The following LRWD1 variants were observed in gnomAD, a reference collection of about 807,000 sequenced individuals.
LRWD1 encodes the protein leucine rich repeats and WD repeat domain containing 1.
A neutral mutation model predicts 75.6 loss-of-function variants in LRWD1; 76 were observed. That is an observed-to-expected ratio of 1.01 (90% CI 0.84 to 1.22). The LOEUF (loss-of-function observed/expected upper bound fraction) is 1.22, where lower values mean the gene tolerates loss of function less well. Ranked by LOEUF, LRWD1 falls within the 50% of genes most tolerant of loss-of-function variation. LRWD1 has a pLI of 0.00. For synonymous variants in LRWD1, 487 were observed against 377.0 expected, an observed-to-expected ratio of 1.29 and a Z score of -3.38; for missense variants, 917 against 862.0, an observed-to-expected ratio of 1.06 and a Z score of -0.80.
chr7:102,466,760 C>T (rs1313763505), intron 3 of LRWD1, among the ~76,000 whole-genome samples: 2 of 53,050 alleles, frequency 3.8e-5, no homozygotes, highest in Admixed American at 2.6e-4. Context: ...TCTTTTTTAC[C>T]TTTTTTTTTT....
chr7:102,469,608 C>T lies in LRWD1; in HGVS notation c.1263C>T (p.Asp421=), dbSNP rs765905301. The T allele has an allele frequency of 1.7e-5, 28 of 1,613,932 alleles. No homozygotes were observed. The highest frequency in any genetic ancestry group is 2.3e-5 in the Non-Finnish European group (27 of 1,179,888). ...ASYDKRIILW[D]IGVPNQDYEF... is the part of the protein sequence containing the mutation. ...ATGACAAGCGGATCATCCTCTGGGA[C>T]ATCGGGGTGCCCAACCAGGACTACG... Residue 421 remains aspartate, a synonymous_variant, in exon 10 of 15, where the codon GAC becomes GAT. Transcript: ENST00000292616.
chr7:102,472,829 G>A, intron 14 of LRWD1, 25 bp downstream of exon 14: 1 of 1,612,284 alleles, frequency 6.2e-7, no homozygotes, highest in Non-Finnish European at 8.5e-7. Flanking sequence ...ACCCTGCCCA[G>A]GCTTGGGCTG....
chr7:102,466,273 A>T lies in LRWD1; in HGVS notation c.432+3A>T, dbSNP rs781558593. On this transcript the variant is annotated splice_donor_region_variant and intron_variant, in intron 3 of 14. Transcript: ENST00000292616. Reference sequence around the variant, plus strand: ...TGAATCGGGAGCTGACCAGCAGGGTAAGGGGATGAGAGGATTATTGTGTGC... The same window carrying T: ...TGAATCGGGAGCTGACCAGCAGGGTTAGGGGATGAGAGGATTATTGTGTGC... 6.2e-7 allele frequency: 1 copy of T among 1,609,496 alleles called. No individual in the cohort carries two copies. Among genetic ancestry groups the T allele is most frequent in the Admixed American group, 1.7e-5 (1 of 60,008 alleles).
At chr7:102,467,172 G>GTGTA (rs1554579600) in intron 3 of LRWD1, among the ~76,000 whole-genome samples, 167 bp from the exon 4 acceptor site, 1 of 23,536 alleles carries the variant, frequency 4.2e-5, no homozygotes, top group Non-Finnish European at 1.0e-4. Context: ...TGTGTGTGGG[G>GTGTA]TGTGTGTGTG....
intron 11 of LRWD1, chr7:102,470,202 A>G (rs12538735): frequency 0.56 from 173,333 of 308,344 alleles, 51,461 homozygotes; most frequent in Middle Eastern, 0.67. Flanking sequence ...CTGTGCTGGC[A>G]TAATGTCCTC....
intron 5 of LRWD1, 30 bp from the exon 6 acceptor site, chr7:102,468,032 A>G: frequency 6.3e-7 from 1 of 1,598,148 alleles, no homozygotes; most frequent in Non-Finnish European, 8.5e-7. Context: ...CCAGGCAGAC[A>G]GGCCCATGGT....
In LRWD1 at chr7:102,467,320, C is replaced by G. The variant is rs1434801742; in HGVS notation, c.433-19C>G. 3.8e-6 allele frequency: 6 copies of G among 1,588,966 alleles called. No homozygotes were observed. Among genetic ancestry groups the G allele is most frequent in the Middle Eastern group, 1.8e-4 (1 of 5,708 alleles). ...GAGCTGGGGTGGGCCGGGCCTGGAT[C>G]TGGTCCCTCTTGCACCAGGTCACAG... On this transcript the variant is annotated intron_variant, in intron 3 of 14. Coordinates refer to ENST00000292616, the MANE Select transcript of LRWD1 (RefSeq NM_152892.3).
At chr7:102,469,941 C>G in intron 11 of LRWD1, 59 bp downstream of exon 11, 1 of 1,444,640 alleles carries the variant, frequency 6.9e-7, no homozygotes, top group Non-Finnish European at 9.1e-7. Flanking sequence ...GGCTGTTGGC[C>G]CAGATGGGCT....
rs768949105 is a variant in LRWD1 at position 102,468,841 on chromosome 7, T to TC, written c.1021-14_1021-13insC. The TC allele has an allele frequency of 3.1e-6, 5 of 1,608,016 alleles. No homozygotes were observed. The South Asian group carries it at 5.5e-5, about 18-fold the overall frequency. On this transcript the variant is annotated splice_polypyrimidine_tract_variant and intron_variant, in intron 8 of 14. Coordinates refer to ENST00000292616, the MANE Select transcript of LRWD1 (RefSeq NM_152892.3). ...GCTCTGCCCCAGTGACTGTTTACTC[T>TC]AACCCCCGCCCAGGAGTTCTTTTCT... is the stretch of plus-strand genomic sequence containing the variant.
intron 3 of LRWD1, among the ~76,000 whole-genome samples, chr7:102,467,112 T>C (rs1386126837): frequency 1.2e-5 from 1 of 84,402 alleles, no homozygotes; most frequent in Non-Finnish European, 2.6e-5. Flanking sequence ...CCTGGGTTGT[T>C]GCTGGGGTGT....
At chr7:102,466,955 A>G (rs1183106451) in intron 3 of LRWD1, among the ~76,000 whole-genome samples, 1 of 150,696 alleles carries the variant, frequency 6.6e-6, no homozygotes, top group Non-Finnish European at 1.5e-5. Context: ...TCATTTTAAA[A>G]TTTTTTGTAG....
chr7:102,472,190 C>A (rs758182652), intron 11 of LRWD1, 28 bp from the exon 12 acceptor site: 2 of 1,563,484 alleles, frequency 1.3e-6, no homozygotes, highest in Non-Finnish European at 1.7e-6. Flanking sequence ...CAAGGAATGG[C>A]CAACTAGCAT....
rs374203829 is a variant in LRWD1, at chr7:102,466,156, C to G, written c.318C>G (p.Val106=). The change falls in exon 3 of 15, where the codon GTC becomes GTG. Residue 106 remains valine (V), a splice_region_variant and synonymous_variant. Transcript: ENST00000292616. ...LSLEGNPFLT[V]NDNLKVSFLL... ...GCTCTTCACCCTCTCTTCCCCAGGT[C>G]AATGACAACCTGAAAGTCTCCTTTC... 1.9e-6 allele frequency: 3 copies of G among 1,613,908 alleles called. No individual in the cohort carries two copies. The highest frequency in any genetic ancestry group is 2.7e-5 in the African/African-American group (2 of 74,930).
chr7:102,465,922 G>A lies in LRWD1; in HGVS notation c.186G>A (p.Leu62=), dbSNP rs151171497. The part of the protein sequence containing the change: ...LDLSNNHLET[L]PDNLGLSHLR... The stretch of plus-strand genomic sequence containing the variant: ...TGTCTAACAACCACCTGGAGACGCT[G>A]CCGGACAACCTGGGCCTGTCCCACC... Residue 62 remains leucine (L), a synonymous_variant, in exon 2 of 15, where the codon CTG becomes CTA. Coordinates refer to ENST00000292616, the MANE Select transcript of LRWD1 (RefSeq NM_152892.3). 1.7e-4 allele frequency: 281 copies of A among 1,613,762 alleles called. No individual in the cohort carries two copies. The highest frequency in any genetic ancestry group is 1.2e-3 in the South Asian group (110 of 91,066).
chr7:102,473,084 A>AACTAACTTAT lies in LRWD1; in HGVS notation c.*36_*45dup. On this transcript the variant is annotated 3_prime_UTR_variant, in exon 15 of 15. Coordinates refer to ENST00000292616, the MANE Select transcript of LRWD1 (RefSeq NM_152892.3). Reference sequence around the variant, plus strand: ...ATCGCAAAGGACCAGGGACACAGCTAACTAACTTATTCAGCTTTGGGCCGA... The same window carrying AACTAACTTAT: ...ATCGCAAAGGACCAGGGACACAGCTAACTAACTTATACTAACTTATTCAGCTTTGGGCCGA... 6.3e-7 allele frequency: 1 copy of AACTAACTTAT among 1,581,170 alleles called. No individual in the cohort carries two copies. Among genetic ancestry groups the AACTAACTTAT allele is most frequent in the Non-Finnish European group, 8.6e-7 (1 of 1,161,096 alleles).
rs2133277788 is a variant in LRWD1, at chr7:102,473,083, T to TAACTA, written c.*36_*40dup. On this transcript the variant is annotated 3_prime_UTR_variant, in exon 15 of 15. Transcript: ENST00000292616. ...CATCGCAAAGGACCAGGGACACAGC[T>TAACTA]AACTAACTTATTCAGCTTTGGGCCG... 1 of 1,533,312 alleles carries TAACTA rather than the reference T, an allele frequency of 6.5e-7. No individual in the cohort carries two copies. Among genetic ancestry groups the TAACTA allele is most frequent in the Non-Finnish European group, 8.8e-7 (1 of 1,133,740 alleles). The allele number at this position is 1,533,312 out of a possible 1,614,324, so 95.0% of individuals were successfully genotyped here. A position where few individuals can be genotyped will look rare whatever the true frequency, so the allele number is the denominator to read the frequency against.
chr7:102,467,590 T>C, intron 4 of LRWD1, 111 bp downstream of exon 4: 1 of 1,523,942 alleles, frequency 6.6e-7, no homozygotes, highest in Non-Finnish European at 8.9e-7. Context: ...TGAGTCAGGG[T>C]GGGCAGCCCT....
chr7:102,467,171 G>GTGT (rs1554579596), intron 3 of LRWD1, among the ~76,000 whole-genome samples, 168 bp from the exon 4 acceptor site: 1,500 of 99,126 alleles, frequency 0.015, 94 homozygotes, highest in South Asian at 0.029. Context: ...GTGTGTGTGG[G>GTGT]GTGTGTGTGT....
At position 102,468,901 on chromosome 7, in the gene LRWD1, C is replaced by T. The variant is rs1798098659; in HGVS notation, c.1067C>T (p.Ala356Val). Residue 356 changes from alanine (A) to valine (V), a missense_variant, in exon 9 of 15, where the codon GCT (alanine) becomes GTT (valine). Ala to Val is a moderately conservative substitution (Grantham distance 64, BLOSUM62 0). Coordinates refer to ENST00000292616, the MANE Select transcript of LRWD1 (RefSeq NM_152892.3). ...AWTALMVVTQ[A>V]GHKKRWSVLA... The stretch of plus-strand genomic sequence containing the variant: ...ACCGCTCTGATGGTGGTCACACAGG[C>T]TGGCCACAAGAAGCGCTGGAGTGTG... 3.7e-6 allele frequency: 6 copies of T among 1,612,912 alleles called. No homozygotes were observed. Among genetic ancestry groups the T allele is most frequent in the African/African-American group, 1.3e-5 (1 of 75,048 alleles).
Sources: gnomAD v4.1 joint callset for allele counts (sites outside exome capture counted in the v4.1 genomes callset) on GRCh38, gnomAD v4.1.1 for gene constraint, MANE v1.5 for transcripts, NCBI Gene and HGNC (gene_info 2026-07-23, HGNC 2026-07-21) for gene names.